The following STIMATE variants were observed in gnomAD, a reference collection of about 807,000 sequenced individuals.
STIMATE encodes store-operated calcium entry regulator STIMATE.
STIMATE carries 15 observed loss-of-function variants against 36.7 expected under a neutral mutation model. That is an observed-to-expected ratio of 0.41 (90% CI 0.27 to 0.63). The LOEUF (loss-of-function observed/expected upper bound fraction) is 0.63, where lower values mean the gene tolerates loss of function less well. Ranked by LOEUF, STIMATE falls within the 20% of genes least tolerant of loss-of-function variation. The pLI is 0.32. For synonymous variants in STIMATE, 163 were observed against 162.3 expected (o/e 1.00, Z -0.03); for missense variants, 305 against 397.3 (o/e 0.77, Z 1.98).
At position 52,862,848 on chromosome 3, in the gene STIMATE, T is replaced by A. The variant is rs1701240092; in HGVS notation, c.161-7404A>T. Among the ~76,000 whole-genome samples the A allele has an allele frequency of 2.6e-5, 4 of 152,166 alleles. 1 individual carries two copies. Among genetic ancestry groups the A allele is most frequent in the Admixed American group, 2.6e-4 (4 of 15,278 alleles). On this transcript the variant is annotated intron_variant, in intron 1 of 7. Coordinates refer to ENST00000355083, the MANE Select transcript of STIMATE (RefSeq NM_198563.5). ...GGTGGGCTCTAAATCCCATTACAAG[T>A]ATCCTTATGAGAGATGGAGGAGAGA...
intron 1 of STIMATE, among the ~76,000 whole-genome samples, chr3:52,871,316 A>G (rs1701401652): frequency 6.6e-6 from 1 of 152,162 alleles, no homozygotes. Context: ...CTGGGCAGAG[A>G]GGATGCTGGG....
chr3:52,866,728 G>A (rs760956285), intron 1 of STIMATE, among the ~76,000 whole-genome samples: 2 of 152,220 alleles, frequency 1.3e-5, no homozygotes, highest in South Asian at 2.1e-4. Flanking sequence ...CTGGGCTGGC[G>A]CTCCACGTGG....
At chr3:52,842,746 AC>A (rs1700820045) in intron 7 of STIMATE, 64 bp downstream of exon 7, 1 of 1,605,602 alleles carries the variant, frequency 6.2e-7, no homozygotes, top group African/African-American at 1.3e-5. Flanking sequence ...CAGACATGAG[AC>A]CAGAGACCCC....
chr3:52,892,280 C>T (rs1701795790), intron 1 of STIMATE, among the ~76,000 whole-genome samples: 1 of 152,230 alleles, frequency 6.6e-6, no homozygotes, highest in African/African-American at 2.4e-5. Flanking sequence ...CTAATTCAGA[C>T]AACTTCCTGT....
chr3:52,850,776 G>A (rs1700984594), intron 3 of STIMATE, among the ~76,000 whole-genome samples: 1 of 152,140 alleles, frequency 6.6e-6, no homozygotes, highest in Non-Finnish European at 1.5e-5. Context: ...TATTGCCCAT[G>A]CTGGAGTGCA....
intron 1 of STIMATE, among the ~76,000 whole-genome samples, chr3:52,896,346 T>C (rs1701864490): frequency 6.6e-6 from 1 of 152,128 alleles, no homozygotes; most frequent in Non-Finnish European, 1.5e-5. Context: ...GCACAGATAG[T>C]TATAACCTTT....
At chr3:52,877,678 C>A (rs948516965) in intron 1 of STIMATE, among the ~76,000 whole-genome samples, 6 of 152,238 alleles carry the variant, frequency 3.9e-5, no homozygotes, top group Admixed American at 1.3e-4. Flanking sequence ...CCTACCTCCC[C>A]AGGGTTGTGT....
At chr3:52,863,805 G>A (rs1701257417) in intron 1 of STIMATE, among the ~76,000 whole-genome samples, 1 of 152,140 alleles carries the variant, frequency 6.6e-6, no homozygotes, top group Admixed American at 6.5e-5. Context: ...GTGGTTACAG[G>A]GCCCATGCAA....
intron 1 of STIMATE, 53 bp from the exon 2 acceptor site, chr3:52,855,497 G>C: frequency 1.8e-5 from 29 of 1,612,318 alleles, no homozygotes; most frequent in Non-Finnish European, 2.5e-5. Flanking sequence ...CATAAAGCAA[G>C]ATGCACATAA....
At chr3:52,876,834 G>C (rs1458842254) in intron 1 of STIMATE, among the ~76,000 whole-genome samples, 1 of 152,152 alleles carries the variant, frequency 6.6e-6, no homozygotes, top group African/African-American at 2.4e-5. Context: ...AAGTTTTTGG[G>C]GAGTCAGAAG....
At chr3:52,897,258 G>A (rs1457312302) in intron 1 of STIMATE, 33 bp downstream of exon 1, 3 of 1,531,178 alleles carry the variant, frequency 2.0e-6, no homozygotes, top group Non-Finnish European at 2.6e-6. Flanking sequence ...TGCCGCGCAG[G>A]GCCTCCGGAG....
chr3:52,885,123 T>C (rs1001811665), intron 1 of STIMATE, among the ~76,000 whole-genome samples: 2 of 152,262 alleles, frequency 1.3e-5, no homozygotes, highest in East Asian at 1.9e-4. Flanking sequence ...TGTGGGTATA[T>C]ATTGGTATCT....
rs77014558 is a variant in STIMATE, at chr3:52,875,365, C to G, written c.161-19921G>C. Among the ~76,000 whole-genome samples, 8 of 152,262 alleles carry G rather than the reference C, an allele frequency of 5.3e-5. No homozygotes were observed. The South Asian group carries it at 6.2e-4, about 12-fold the overall frequency. Reference sequence around the variant, plus strand: ...CATTTCTCAGAGGTAACACGTGTAGCCCCTGGCCAGCCCCACCACAGAAGC... The same window carrying G: ...CATTTCTCAGAGGTAACACGTGTAGGCCCTGGCCAGCCCCACCACAGAAGC... On this transcript the variant is annotated intron_variant, in intron 1 of 7. Coordinates refer to ENST00000355083, the MANE Select transcript of STIMATE (RefSeq NM_198563.5).
chr3:52,882,950 C>G (rs1046861923), intron 1 of STIMATE, among the ~76,000 whole-genome samples: 2 of 152,162 alleles, frequency 1.3e-5, no homozygotes, highest in African/African-American at 4.8e-5. Flanking sequence ...AAACCACATC[C>G]CTGCACTGCT....
chr3:52,880,931 G>A (rs1163399747), intron 1 of STIMATE, among the ~76,000 whole-genome samples: 1 of 152,226 alleles, frequency 6.6e-6, no homozygotes, highest in Non-Finnish European at 1.5e-5. Context: ...GCTCATGCCT[G>A]TAATCCCAGC....
chr3:52,880,810 C>T (rs191524307), intron 1 of STIMATE, among the ~76,000 whole-genome samples: 134 of 152,326 alleles, frequency 8.8e-4, no homozygotes, highest in Middle Eastern at 3.4e-3. Flanking sequence ...CAAAGGCTCA[C>T]TATATAACAA....
At chr3:52,880,703 A>G (rs1701588225) in intron 1 of STIMATE, among the ~76,000 whole-genome samples, 1 of 152,228 alleles carries the variant, frequency 6.6e-6, no homozygotes, top group Admixed American at 6.5e-5. Context: ...AAACAAAGCC[A>G]CACAACTGAG....
At chr3:52,853,295 G>A (rs1701041164) in intron 2 of STIMATE, among the ~76,000 whole-genome samples, 1 of 152,186 alleles carries the variant, frequency 6.6e-6, no homozygotes, top group African/African-American at 2.4e-5. Context: ...GGGCCTGAGG[G>A]CTGTAGTGTG....
At chr3:52,896,105 G>C in intron 1 of STIMATE, 1 of 436,062 alleles carries the variant, frequency 2.3e-6, no homozygotes, top group South Asian at 1.8e-5. Context: ...TCCATGATCA[G>C]AGCCTCTTCA....
Sources: gnomAD v4.1 joint callset for allele counts (sites outside exome capture counted in the v4.1 genomes callset) on GRCh38, gnomAD v4.1.1 for gene constraint, MANE v1.5 for transcripts, NCBI Gene and HGNC (gene_info 2026-07-23, HGNC 2026-07-21) for gene names.